The following FOXP2 variants were observed in gnomAD, a reference collection of about 807,000 sequenced individuals.
FOXP2 encodes forkhead box protein P2.
A neutral mutation model predicts 115.8 loss-of-function variants in FOXP2; 12 were observed. That is an observed-to-expected ratio of 0.10 (90% CI 0.07 to 0.17). The LOEUF (loss-of-function observed/expected upper bound fraction) is 0.17. FOXP2 is among the 10% of genes least tolerant of loss of function. The probability of loss-of-function intolerance (pLI) is 1.00; values close to 1 mark genes in which losing one functional copy is unlikely to be tolerated. For synonymous variants in FOXP2, 328 were observed against 297.7 expected (o/e 1.10, Z -1.05); for missense variants, 629 against 843.5 (o/e 0.75, Z 3.15).
intron 1 of FOXP2, among the ~76,000 whole-genome samples, chr7:114,216,824 A>G (rs1321713588): frequency 6.6e-6 from 1 of 152,190 alleles, no homozygotes; most frequent in African/African-American, 2.4e-5. Context: ...ACAAAAGAAA[A>G]CTACATGAAG....
intron 1 of FOXP2, among the ~76,000 whole-genome samples, chr7:114,103,482 A>G (rs1350472776): frequency 1.3e-5 from 2 of 151,856 alleles, no homozygotes; most frequent in Non-Finnish European, 2.9e-5. Context: ...TGTGTAGAGG[A>G]ATGTTTCTGT....
chr7:114,676,075 A>AT (rs11327459), intron 16 of FOXP2, among the ~76,000 whole-genome samples: 4,950 of 89,560 alleles, frequency 0.055, 253 homozygotes, highest in East Asian at 0.27. Flanking sequence ...AGGCCCGGCT[A>AT]TTTTTTTTTT....
intron 1 of FOXP2, among the ~76,000 whole-genome samples, chr7:114,186,713 G>C (rs1026440284): frequency 2.6e-5 from 4 of 152,164 alleles, no homozygotes; most frequent in African/African-American, 7.2e-5. Flanking sequence ...TGGGTCCCCA[G>C]GCTCTCTGAG....
intron 2 of FOXP2, among the ~76,000 whole-genome samples, chr7:114,472,345 C>CT (rs1164348933): frequency 0.02 from 2,808 of 137,732 alleles, 74 homozygotes; most frequent in African/African-American, 0.059. Context: ...TTTATAAATT[C>CT]TTTTTTTTTT....
At chr7:114,363,267 T>G (rs1243974860) in intron 2 of FOXP2, among the ~76,000 whole-genome samples, 2 of 152,090 alleles carry the variant, frequency 1.3e-5, no homozygotes. Flanking sequence ...TTAACATTAA[T>G]TACAATGAAA....
At position 114,380,449 on chromosome 7, in the gene FOXP2, G is replaced by A. The variant is rs181075993; in HGVS notation, c.-10-46053G>A. Among the ~76,000 whole-genome samples, 73 of 152,190 alleles carry A rather than the reference G, an allele frequency of 4.8e-4. No individual in the cohort carries two copies. In the South Asian group the frequency reaches 6.6e-3, roughly 14 times the overall value. On this transcript the variant is annotated intron_variant, in intron 2 of 17. Transcript: ENST00000634411. ...CTGACCACTGCATACCCCACTTTTC[G>A]AAGTCCTTTTTCTACAAAGGAACTT...
chr7:114,135,100 G>A lies in FOXP2; in HGVS notation c.-246-27844G>A, dbSNP rs555431420. ...GGAAGAATTATGGAGTAAGACATAG[G>A]GCACATGCCAAATTTCTTTCTGGAA... On this transcript the variant is annotated intron_variant, in intron 1 of 19. Transcript: ENST00000635638. 1.5e-3 allele frequency among the ~76,000 whole-genome samples: 233 copies of A among 152,276 alleles called. 1 individual carries two copies. Among genetic ancestry groups the A allele is most frequent in the African/African-American group, 5.4e-3 (224 of 41,542 alleles).
intron 2 of FOXP2, among the ~76,000 whole-genome samples, chr7:114,331,977 T>C (rs1797725858): frequency 6.6e-6 from 1 of 152,112 alleles, no homozygotes; most frequent in Non-Finnish European, 1.5e-5. Flanking sequence ...GCATATCAGA[T>C]GTGCAACAAA....
chr7:114,532,497 A>G (rs73208666), intron 2 of FOXP2, among the ~76,000 whole-genome samples: 1,995 of 151,996 alleles, frequency 0.013, 29 homozygotes, highest in Non-Finnish European at 0.017. Flanking sequence ...CAGGCCTGGA[A>G]GCCAGCAGAC....
intron 1 of FOXP2, among the ~76,000 whole-genome samples, chr7:114,149,868 C>T (rs1163452093): frequency 2.6e-5 from 4 of 151,926 alleles, no homozygotes; most frequent in Non-Finnish European, 5.9e-5. Flanking sequence ...TGGTAAAACA[C>T]ATCATCATGT....
At chr7:114,527,153 A>G (rs1798921722) in intron 2 of FOXP2, among the ~76,000 whole-genome samples, 2 of 152,080 alleles carry the variant, frequency 1.3e-5, no homozygotes, top group South Asian at 4.1e-4. Context: ...ATTCACTTTT[A>G]TGGACAAATA....
chr7:114,462,277 G>GAAAAA (rs766244858), intron 2 of FOXP2, among the ~76,000 whole-genome samples: 1 of 20,798 alleles, frequency 4.8e-5, no homozygotes, highest in African/African-American at 1.5e-4. Context: ...GAGACTCCGT[G>GAAAAA]AAAAAAAAAA....
intron 1 of FOXP2, among the ~76,000 whole-genome samples, chr7:114,132,582 T>TGTGTGTGTGTGTGTGAGAGAGA (rs1554419465): frequency 1.8e-5 from 1 of 55,996 alleles, no homozygotes; most frequent in Non-Finnish European, 3.0e-5. Context: ...TGTGTGTGTG[T>TGTGTGTGTGTGTGTGAGAGAGA]GAGAGAGAGA....
At chr7:114,325,745 C>T (rs780163891) in intron 2 of FOXP2, among the ~76,000 whole-genome samples, 3 of 151,846 alleles carry the variant, frequency 2.0e-5, no homozygotes, top group Non-Finnish European at 2.9e-5. Context: ...TGTATAGACC[C>T]GTTCGGTTGC....
intron 16 of FOXP2, among the ~76,000 whole-genome samples, chr7:114,681,388 T>G (rs577958993): frequency 6.6e-6 from 1 of 152,318 alleles, no homozygotes; most frequent in South Asian, 2.1e-4. Flanking sequence ...TTTTCATTAT[T>G]TAGTCATATT....
intron 2 of FOXP2, among the ~76,000 whole-genome samples, chr7:114,352,813 G>A (rs1472664818): frequency 1.3e-5 from 2 of 152,108 alleles, no homozygotes; most frequent in Non-Finnish European, 2.9e-5. Flanking sequence ...AGGGGTGGGT[G>A]CAATTTAGCA....
chr7:114,292,830 A>G (rs1191780250), intron 2 of FOXP2, among the ~76,000 whole-genome samples: 1 of 152,202 alleles, frequency 6.6e-6, no homozygotes, highest in African/African-American at 2.4e-5. Context: ...TATCTTTAGA[A>G]ATATTCACTG....
chr7:114,096,953 A>G (rs1200938223), intron 1 of FOXP2, among the ~76,000 whole-genome samples: 1 of 152,174 alleles, frequency 6.6e-6, no homozygotes, highest in African/African-American at 2.4e-5. Flanking sequence ...TAATTATAAA[A>G]AGCAAGTTGT....
intron 1 of FOXP2, among the ~76,000 whole-genome samples, chr7:114,244,736 G>A (rs1478486375): frequency 6.6e-6 from 1 of 151,694 alleles, no homozygotes; most frequent in Non-Finnish European, 1.5e-5. Context: ...TTGTGTTTCT[G>A]TTAGTTTTTC....
Sources: gnomAD v4.1 joint callset for allele counts (sites outside exome capture counted in the v4.1 genomes callset) on GRCh38, gnomAD v4.1.1 for gene constraint, MANE v1.5 for transcripts, NCBI Gene and HGNC (gene_info 2026-07-23, HGNC 2026-07-21) for gene names.